SVIL: variants seen among roughly 807,000 people sequenced by gnomAD.
SVIL encodes archvillin.
In SVIL, 101 loss-of-function variants were observed where a neutral mutation model predicts 240.4. That is an observed-to-expected ratio of 0.42 (90% CI 0.36 to 0.50). The LOEUF (loss-of-function observed/expected upper bound fraction) is 0.50. SVIL is among the 20% of genes least tolerant of loss of function. The pLI is 0.01. For missense variants in SVIL, 2,512 were observed against 2,818.7 expected, an observed-to-expected ratio of 0.89 and a Z score of 2.46; for synonymous variants, 999 against 1,100.0, an observed-to-expected ratio of 0.91 and a Z score of 1.82.
intron 16 of SVIL, among the ~76,000 whole-genome samples, chr10:29,517,257 T>A (rs1473272623): frequency 6.6e-6 from 1 of 151,160 alleles, no homozygotes; most frequent in Non-Finnish European, 1.5e-5. Flanking sequence ...TACAAAAAAA[T>A]AAAAATAAAA....
chr10:29,592,187 G>A (rs1202477903), intron 1 of SVIL, among the ~76,000 whole-genome samples: 3 of 152,170 alleles, frequency 2.0e-5, no homozygotes, highest in African/African-American at 7.2e-5. Flanking sequence ...GGGAGGCGGA[G>A]GTTGCAGTGA....
chr10:29,495,779 G>A lies in SVIL; in HGVS notation c.3665-598C>T, dbSNP rs572669040. On this transcript the variant is annotated intron_variant, in intron 18 of 37. Coordinates refer to ENST00000355867, the MANE Select transcript of SVIL (RefSeq NM_021738.3). The stretch of plus-strand genomic sequence containing the variant: ...AAATGCTTTTCCTAGTATATTTACC[G>A]AGAAGCAGAGTGGGGAATCTTTAAA... Among the ~76,000 whole-genome samples the A allele has an allele frequency of 2.6e-5, 4 of 152,298 alleles. No homozygotes were observed. The East Asian group carries it at 5.8e-4, about 22-fold the overall frequency.
intron 3 of SVIL, among the ~76,000 whole-genome samples, chr10:29,556,696 G>A (rs2132668994): frequency 6.6e-6 from 1 of 152,278 alleles, no homozygotes; most frequent in East Asian, 1.9e-4. Context: ...TTCCTATTTA[G>A]AAGACAGGGG....
At chr10:29,529,959 C>A (rs897385931) in intron 11 of SVIL, 115 bp from the exon 12 acceptor site, 58 of 1,140,666 alleles carry the variant, frequency 5.1e-5, no homozygotes, top group Non-Finnish European at 6.7e-5. Context: ...TTGCTGGAGG[C>A]CAAGAGTTCA....
In SVIL at chr10:29,664,691, T is replaced by TACAC. The variant is rs4018670; in HGVS notation, c.-300-6627_-300-6624dup. Among the ~76,000 whole-genome samples the TACAC allele has an allele frequency of 3.5e-3, 522 of 150,396 alleles. 4 individuals carry two copies. The highest frequency in any genetic ancestry group is 0.011 in the African/African-American group (463 of 40,978). ...TTTCGTAATTTTATATATATATATA[T>TACAC]ACACACACACACACACATGCACACA... On this transcript the variant is annotated intron_variant, in intron 2 of 35. Coordinates refer to the SVIL transcript ENST00000375400.
intron 1 of SVIL, among the ~76,000 whole-genome samples, chr10:29,598,782 G>C (rs1209681831): frequency 6.6e-6 from 1 of 152,228 alleles, no homozygotes; most frequent in Non-Finnish European, 1.5e-5. Context: ...AAGCCTGTTA[G>C]GTTTTATTCA....
intron 1 of SVIL, among the ~76,000 whole-genome samples, chr10:29,729,998 T>C: frequency 6.6e-6 from 1 of 151,422 alleles, no homozygotes; most frequent in East Asian, 2.0e-4. Context: ...GAGACCAGCC[T>C]GGGCAACATT....
At chr10:29,465,869 A>G (rs1162176847) in intron 33 of SVIL, 119 bp from the exon 34 acceptor site, 32 of 1,327,100 alleles carry the variant, frequency 2.4e-5, no homozygotes, top group Non-Finnish European at 5.2e-6. Context: ...GGTAGGATTT[A>G]TCTGAGCTTC....
At chr10:29,469,613 C>T (rs549701185) in intron 32 of SVIL, among the ~76,000 whole-genome samples, 14 of 152,354 alleles carry the variant, frequency 9.2e-5, no homozygotes, top group South Asian at 8.3e-4. Flanking sequence ...GCCACCACAG[C>T]GTCCTCCCTG....
At chr10:29,580,324 G>A (rs1342203428) in intron 1 of SVIL, among the ~76,000 whole-genome samples, 1 of 152,094 alleles carries the variant, frequency 6.6e-6, no homozygotes, top group Admixed American at 6.5e-5. Flanking sequence ...CTCATCCAGT[G>A]TGGGCAACAG....
chr10:29,566,752 C>CA (rs34149722), intron 2 of SVIL, among the ~76,000 whole-genome samples: 10,036 of 152,152 alleles, frequency 0.066, 384 homozygotes, highest in Admixed American at 0.12. Flanking sequence ...GGCCCCCCAG[C>CA]GGGAGACTGG....
intron 1 of SVIL, among the ~76,000 whole-genome samples, chr10:29,612,415 G>A (rs921947683): frequency 6.6e-6 from 1 of 152,168 alleles, no homozygotes; most frequent in African/African-American, 2.4e-5. Context: ...CATGGTATCA[G>A]GGATGGAGTT....
chr10:29,701,047 G>A (rs1167170904), intron 1 of SVIL, among the ~76,000 whole-genome samples: 1 of 152,174 alleles, frequency 6.6e-6, no homozygotes, highest in East Asian at 1.9e-4. Flanking sequence ...ACACAGGTAT[G>A]GATCATATTT....
Position 29,496,970 on chromosome 10 carries a change from G to A in SVIL, c.3665-1789C>T, listed in dbSNP as rs58929087. On this transcript the variant is annotated intron_variant, in intron 18 of 37. Transcript: ENST00000355867. ...ACCCTGCACCTAACGACGTGCTTCTGTTAAAGAAGGGTTGGGGCTCACGTT... is the reference window on the plus strand; with the variant it reads ...ACCCTGCACCTAACGACGTGCTTCTATTAAAGAAGGGTTGGGGCTCACGTT... 1.1e-3 allele frequency among the ~76,000 whole-genome samples: 175 copies of A among 152,350 alleles called. 2 individuals carry two copies. Among genetic ancestry groups the A allele is most frequent in the African/African-American group, 4.1e-3 (172 of 41,588 alleles).
rs200557508 is a variant in SVIL at position 29,576,883 on chromosome 10, A to AT, written c.-200-7572dup. On this transcript the variant is annotated intron_variant, in intron 1 of 37. Coordinates refer to ENST00000355867, the MANE Select transcript of SVIL (RefSeq NM_021738.3). ...TTTATTCTTTTTAACAATGCAAATG[A>AT]TTTTTTTTTGTTTTTTTAGACGAAG... Among the ~76,000 whole-genome samples the AT allele has an allele frequency of 1.2e-3, 182 of 151,180 alleles. 2 individuals are homozygous for AT. Among genetic ancestry groups the AT allele is most frequent in the Admixed American group, 9.8e-3 (148 of 15,150 alleles).
At chr10:29,669,570 A>C (rs1959601768) in intron 2 of SVIL, among the ~76,000 whole-genome samples, 1 of 152,174 alleles carries the variant, frequency 6.6e-6, no homozygotes, top group South Asian at 2.1e-4. Flanking sequence ...ATGGGTAGAC[A>C]GGGAGGTGGA....
chr10:29,693,559 C>A (rs1387685183), intron 1 of SVIL, among the ~76,000 whole-genome samples: 1 of 152,086 alleles, frequency 6.6e-6, no homozygotes. Flanking sequence ...GCCTGAGCAC[C>A]CAGCAGGACT....
chr10:29,722,342 A>C (rs1964041820), intron 1 of SVIL, among the ~76,000 whole-genome samples: 1 of 152,116 alleles, frequency 6.6e-6, no homozygotes, highest in African/African-American at 2.4e-5. Flanking sequence ...TGGGAGTAAT[A>C]AAAAAGTGAG....
chr10:29,573,333 C>T (rs748008609), intron 1 of SVIL, among the ~76,000 whole-genome samples: 6 of 152,062 alleles, frequency 3.9e-5, no homozygotes, highest in Admixed American at 6.6e-5. Flanking sequence ...CGGTACAAAG[C>T]AAACTGATTT....
Sources: allele counts gnomAD v4.1 joint callset (sites outside exome capture counted in the v4.1 genomes callset), GRCh38; gene constraint gnomAD v4.1.1; transcripts MANE v1.5; gene names NCBI Gene and HGNC (gene_info 2026-07-23, HGNC 2026-07-21).